SH3BP1: variants seen among roughly 807,000 people sequenced by gnomAD.
SH3BP1 encodes SH3 domain-binding protein 1.
A neutral mutation model predicts 69.8 loss-of-function variants in SH3BP1; 46 were observed. That is an observed-to-expected ratio of 0.66 (90% confidence interval 0.52 to 0.84). The LOEUF is 0.84. Ranked by LOEUF, SH3BP1 falls within the 40% of genes least tolerant of loss-of-function variation. The probability of loss-of-function intolerance (pLI) is 0.00; values close to 1 mark genes in which losing one functional copy is unlikely to be tolerated. For missense variants in SH3BP1, 868 were observed against 930.9 expected (o/e 0.93, Z 0.88); for synonymous variants, 403 against 378.0 (o/e 1.07, Z -0.77).
In SH3BP1 at chr22:37,653,710, A is replaced by T. The variant is rs193075752; in HGVS notation, c.1599-69A>T. ...TCCGGACTCCACCTGGCAGCTGGAG[A>T]CTCCTCAGGATTCCATGAGACTTCT... is the stretch of plus-strand genomic sequence containing the variant. On this transcript the variant is annotated intron_variant, in intron 16 of 17. Transcript: ENST00000649765. 9.5e-4 allele frequency: 1,010 copies of T among 1,067,872 alleles called. 23 individuals are homozygous for T. The Admixed American group carries it at 0.018, about 19-fold the overall frequency. The allele number at this position is 1,067,872 out of a possible 1,614,324, so 66.1% of individuals were successfully genotyped here. A position where few individuals can be genotyped will look rare whatever the true frequency, so the allele number is the denominator to read the frequency against.
Position 37,642,872 on chromosome 22 carries a change from C to G in SH3BP1, c.285-23C>G, listed in dbSNP as rs760518139. On this transcript the variant is annotated intron_variant, in intron 4 of 17. Transcript: ENST00000649765. ...GAGGTGAGGGCAGCGGGCGCCTGGA[C>G]CCATGGGGTGCCGTGTCCACAGGAA... The G allele has an allele frequency of 1.3e-5, 21 of 1,608,268 alleles. No individual in the cohort carries two copies. The South Asian group carries it at 2.2e-4, about 17-fold the overall frequency.
Position 37,646,915 on chromosome 22 carries a change from C to A in SH3BP1, c.1022C>A (p.Pro341Gln). 1.9e-6 allele frequency: 3 copies of A among 1,548,192 alleles called. No homozygotes were observed. Among genetic ancestry groups the A allele is most frequent in the East Asian group, 2.4e-5 (1 of 42,542 alleles). Residue 341 changes from proline to glutamine, a missense_variant, in exon 11 of 18, where the codon CCG (proline) becomes CAG (glutamine). This residue lies in a region of SH3BP1 where 387 missense variants were observed against 447.9 expected (regional missense o/e 0.86). Transcript: ENST00000649765. ...AGCCTGGAGGAGTTCTGCTCCGACCCGCACGCTGTGGCAGGTGCCTGATCC... is the reference window on the plus strand; with the variant it reads ...AGCCTGGAGGAGTTCTGCTCCGACCAGCACGCTGTGGCAGGTGCCTGATCC... ...PHSLEEFCSD[P>Q]HAVAGALKSY...
At chr22:37,644,764 G>A (rs1483914424) in intron 8 of SH3BP1, 59 bp downstream of exon 8, 3 of 1,604,772 alleles carry the variant, frequency 1.9e-6, no homozygotes, top group Non-Finnish European at 2.6e-6. Flanking sequence ...CCAGAGCCAG[G>A]GGCCACTGGG....
At chr22:37,643,393 CTGGG>C in intron 6 of SH3BP1, 1 of 659,814 alleles carries the variant, frequency 1.5e-6, no homozygotes, top group Non-Finnish European at 2.6e-6. Flanking sequence ...ACCCTAAAGC[CTGGG>C]ATCCTGTAAA....
chr22:37,647,009 G>A (rs1255119242), intron 11 of SH3BP1, 80 bp downstream of exon 11: 1 of 957,362 alleles, frequency 1.0e-6, no homozygotes, highest in Non-Finnish European at 1.5e-6. Flanking sequence ...AGATAGCCTG[G>A]CTTTAAGACT....
chr22:37,654,118 T>C (rs963834737), intron 17 of SH3BP1, among the ~76,000 whole-genome samples: 2 of 152,202 alleles, frequency 1.3e-5, no homozygotes, highest in African/African-American at 2.4e-5. Flanking sequence ...CTTATGGGGC[T>C]GCATGGAGCC....
chr22:37,647,258 C>G lies in SH3BP1; in HGVS notation c.1037-9C>G. On this transcript the variant is annotated splice_polypyrimidine_tract_variant and intron_variant, in intron 11 of 17. Coordinates refer to ENST00000649765, the MANE Select transcript of SH3BP1 (RefSeq NM_018957.6). ...GCTGCCTCTGACCCTCCCCACACCC[C>G]TCCTTCAGGTGCCCTCAAGTCCTAT... The G allele has an allele frequency of 6.2e-7, 1 of 1,613,684 alleles. No individual in the cohort carries two copies. The highest frequency in any genetic ancestry group is 8.5e-7 in the Non-Finnish European group (1 of 1,179,742).
chr22:37,647,328 T>C lies in SH3BP1; in HGVS notation c.1098T>C (p.Asp366=), dbSNP rs2146059252. Residue 366 remains aspartate, a synonymous_variant, in exon 12 of 18, where the codon GAT becomes GAC. Coordinates refer to ENST00000649765, the MANE Select transcript of SH3BP1 (RefSeq NM_018957.6). ...CTCTGATGACCTTCGACCTCTATGA[T>C]GACTGGATGAGGGCAGCCAGGTGAG... is the stretch of plus-strand genomic sequence containing the variant. The part of the protein sequence containing the change: ...PEPLMTFDLY[D]DWMRAASLKE... 6.2e-7 allele frequency: 1 copy of C among 1,613,812 alleles called. No individual in the cohort carries two copies. Among genetic ancestry groups the C allele is most frequent in the Non-Finnish European group, 8.5e-7 (1 of 1,179,902 alleles).
intron 17 of SH3BP1, among the ~76,000 whole-genome samples, chr22:37,654,513 G>A (rs1932961834): frequency 6.6e-6 from 1 of 151,958 alleles, no homozygotes; most frequent in Admixed American, 6.6e-5. Flanking sequence ...AGAAGCTGCA[G>A]TGAGCAAAGA....
rs1028003972 is a variant in SH3BP1 at position 37,642,985 on chromosome 22, G to C, written c.375G>C (p.Gln125His). The C allele has an allele frequency of 6.2e-6, 10 of 1,612,910 alleles. No individual in the cohort carries two copies. Among genetic ancestry groups the C allele is most frequent in the Admixed American group, 1.7e-5 (1 of 60,010 alleles). The change falls in exon 5 of 18, where the codon CAG becomes CAC. Residue 125 changes from glutamine (Q) to histidine (H), a missense_variant. Gln to His is a conservative substitution (Grantham distance 24). Transcript: ENST00000649765. ...TGACCCTGGAGAGGGACGTCCTGCA[G>C]CCACTCAGCAGGCTGAGTGAGGTGA... ...FEMTLERDVLQPLSRLSEEEL... is the reference protein window; with the variant it reads ...FEMTLERDVLHPLSRLSEEEL...
chr22:37,640,066 C>T lies in SH3BP1; in HGVS notation c.59+220C>T, dbSNP rs527838279. On this transcript the variant is annotated intron_variant, in intron 1 of 17. Coordinates refer to ENST00000649765, the MANE Select transcript of SH3BP1 (RefSeq NM_018957.6). ...TGGCCTTTGGGGGAAGGGATGCCCC[C>T]CCTTACCGGATTGGAGGGGGCTTCA... 2.6e-5 allele frequency among the ~76,000 whole-genome samples: 4 copies of T among 152,274 alleles called. No individual in the cohort carries two copies. In the East Asian group the frequency reaches 5.8e-4, roughly 22 times the overall value.
chr22:37,644,428 C>T (rs1932739575), intron 7 of SH3BP1, among the ~76,000 whole-genome samples: 1 of 152,210 alleles, frequency 6.6e-6, no homozygotes, highest in African/African-American at 2.4e-5. Context: ...TATGGAGACA[C>T]AGAGATGGGG....
chr22:37,650,326 C>T (rs1569010188), intron 15 of SH3BP1, 77 bp downstream of exon 15: 2 of 1,529,740 alleles, frequency 1.3e-6, no homozygotes, highest in African/African-American at 1.4e-5. Context: ...GCCCCACAAA[C>T]TCACCATAAG....
chr22:37,650,376 A>G, intron 15 of SH3BP1, 127 bp downstream of exon 15: 1 of 1,490,300 alleles, frequency 6.7e-7, no homozygotes, highest in South Asian at 1.3e-5. Context: ...CATTTTTACA[A>G]CGGGGATGGT....
chr22:37,654,832 G>A (rs1003996511), intron 17 of SH3BP1, among the ~76,000 whole-genome samples: 2 of 152,024 alleles, frequency 1.3e-5, no homozygotes, highest in African/African-American at 4.8e-5. Flanking sequence ...AAGATAGGCC[G>A]GGGACAGTGG....
chr22:37,650,318 C>G (rs1006652135), intron 15 of SH3BP1, 69 bp downstream of exon 15: 15 of 1,533,036 alleles, frequency 9.8e-6, no homozygotes, highest in Admixed American at 2.0e-5. Context: ...CCCCTGTAGC[C>G]CCACAAACTC....
intron 13 of SH3BP1, 124 bp downstream of exon 13, chr22:37,647,645 C>A: frequency 1.7e-6 from 1 of 579,682 alleles, no homozygotes; most frequent in Non-Finnish European, 2.7e-6. Flanking sequence ...ACTGAAAATG[C>A]AGCTTTGATG....
Position 37,655,763 on chromosome 22 carries a change from A to AC in SH3BP1, c.*80dup. 1 of 1,434,578 alleles carries AC rather than the reference A, an allele frequency of 7.0e-7. No homozygotes were observed. The highest frequency in any genetic ancestry group is 9.1e-7 in the Non-Finnish European group (1 of 1,097,544). The allele number at this position is 1,434,578 out of a possible 1,614,324, so 88.9% of individuals were successfully genotyped here. A position where few individuals can be genotyped will look rare whatever the true frequency, so the allele number is the denominator to read the frequency against. ...CCTCCCAGGACAGCTCTCGCCCCCCACAAAGGGGCATGGGCCTCCAGCCTT... is the reference window on the plus strand; with the variant it reads ...CCTCCCAGGACAGCTCTCGCCCCCCACCAAAGGGGCATGGGCCTCCAGCCTT... On this transcript the variant is annotated 3_prime_UTR_variant, in exon 18 of 18. Transcript: ENST00000649765.
At chr22:37,643,453 T>C in intron 6 of SH3BP1, 191 bp from the exon 7 acceptor site, 1 of 748,174 alleles carries the variant, frequency 1.3e-6, no homozygotes, top group South Asian at 1.8e-5. Context: ...GTGGCTGTGA[T>C]CACCAAATCT....
Sources: allele counts gnomAD v4.1 joint callset (sites outside exome capture counted in the v4.1 genomes callset), GRCh38; gene constraint gnomAD v4.1.1; regional missense constraint gnomAD v4.1.1; transcripts MANE v1.5; gene names NCBI Gene and HGNC (gene_info 2026-07-23, HGNC 2026-07-21).